Variants in SP100 observed in about 807,000 individuals in gnomAD.
SP100 encodes the protein SP100 nuclear body protein.
In SP100, 84 loss-of-function variants were observed where a neutral mutation model predicts 130.0. The ratio of observed to expected loss-of-function variants is 0.65; its 90% CI spans 0.54 to 0.77. The LOEUF is 0.77. SP100 is among the 30% of genes least tolerant of loss of function. SP100 has a pLI of 0.00. For missense variants in SP100, 978 were observed against 1,052.2 expected (o/e 0.93, Z 0.97); for synonymous variants, 331 against 351.7 (o/e 0.94, Z 0.66).
At chr2:230,448,244 G>T (rs889147702) in intron 5 of SP100, among the ~76,000 whole-genome samples, 18 of 152,182 alleles carry the variant, frequency 1.2e-4, no homozygotes, top group Non-Finnish European at 2.9e-5. Flanking sequence ...GGAAGAGGAT[G>T]TAAGTACCTA....
intron 24 of SP100, chr2:230,516,155 A>G (rs1690906672): frequency 1.3e-6 from 1 of 770,006 alleles, no homozygotes; most frequent in South Asian, 5.9e-5. Context: ...TATTAGCTCC[A>G]CAAAGCCAAT....
chr2:230,474,717 T>C (rs915780870), intron 17 of SP100, among the ~76,000 whole-genome samples: 3 of 152,162 alleles, frequency 2.0e-5, no homozygotes, highest in African/African-American at 7.2e-5. Flanking sequence ...CCAGTGTCTC[T>C]TGTTCTCATC....
At chr2:230,417,480 T>C (rs1399451943) in intron 1 of SP100, 111 bp from the exon 2 acceptor site, 4 of 1,372,126 alleles carry the variant, frequency 2.9e-6, no homozygotes, top group South Asian at 1.6e-5. Context: ...ATATTTCTTT[T>C]TGGGTTTTTA....
chr2:230,474,261 G>A (rs199606083), intron 16 of SP100, 133 bp from the exon 17 acceptor site: 2 of 597,904 alleles, frequency 3.3e-6, no homozygotes, highest in Non-Finnish European at 6.0e-6. Flanking sequence ...TGTTTCCTTT[G>A]GAAGGAAGAC....
intron 19 of SP100, among the ~76,000 whole-genome samples, chr2:230,500,372 C>G (rs1169208047): frequency 2.0e-5 from 3 of 152,132 alleles, no homozygotes; most frequent in African/African-American, 7.2e-5. Context: ...CTCCTCAGCC[C>G]TGATGTCTCC....
intron 24 of SP100, among the ~76,000 whole-genome samples, chr2:230,532,842 G>A (rs923893107): frequency 1.3e-5 from 2 of 151,988 alleles, no homozygotes; most frequent in Admixed American, 6.6e-5. Flanking sequence ...GTGCAGTGTC[G>A]CGATCTTGGC....
Position 230,460,915 on chromosome 2 carries a change from G to T in SP100, c.821-347G>T, listed in dbSNP as rs1221794654. On this transcript the variant is annotated intron_variant, in intron 8 of 28. Transcript: ENST00000340126. ...TGGGATTACAGGCGTGAGCCACCGC[G>T]CCCGGCCGGTAATCTGTTTCTTGAT... Among the ~76,000 whole-genome samples the T allele has an allele frequency of 1.3e-5, 2 of 151,332 alleles. 1 individual carries two copies. The highest frequency in any genetic ancestry group is 2.9e-5 in the Non-Finnish European group (2 of 67,890).
rs746489379 is a variant in SP100, at chr2:230,506,446, G to T, written c.2013+1G>T. The T allele has an allele frequency of 1.2e-6, 2 of 1,613,334 alleles. No individual in the cohort carries two copies. Among genetic ancestry groups the T allele is most frequent in the Admixed American group, 1.7e-5 (1 of 59,966 alleles). On this transcript the variant is annotated splice_donor_variant, in intron 22 of 28. Transcript: ENST00000340126. LOFTEE classifies it high-confidence loss of function. ...ATATACCCTGAAAGTCCTGATGGAGGTATTCTAGTGACAGATGGCTGAAAC... is the reference window on the plus strand; with the variant it reads ...ATATACCCTGAAAGTCCTGATGGAGTTATTCTAGTGACAGATGGCTGAAAC...
chr2:230,439,004 G>A (rs188162950), intron 2 of SP100, among the ~76,000 whole-genome samples: 6 of 152,120 alleles, frequency 3.9e-5, no homozygotes, highest in African/African-American at 9.6e-5. Flanking sequence ...CCACATCCAC[G>A]CCAACATCTA....
At chr2:230,442,036 A>G (rs16827251) in intron 2 of SP100, among the ~76,000 whole-genome samples, 16,465 of 147,228 alleles carry the variant, frequency 0.11, 937 homozygotes, top group Middle Eastern at 0.23. Context: ...ATCTTTAACC[A>G]GAAACTTTTT....
chr2:230,474,351 C>T (rs769499060), intron 16 of SP100, 43 bp from the exon 17 acceptor site: 2 of 1,030,096 alleles, frequency 1.9e-6, no homozygotes, highest in South Asian at 1.4e-5. Flanking sequence ...ATAAATTTTA[C>T]TTATAAATTA....
rs1690558371 is a variant in SP100, at chr2:230,511,154, A to C, written c.2082A>C (p.Leu694Phe). Residue 694 changes from leucine to phenylalanine, a missense_variant, in exon 24 of 29, where the codon TTA (leucine) becomes TTC (phenylalanine). By Grantham distance (22) the Leu-to-Phe change is conservative (BLOSUM62 0). Transcript: ENST00000340126. ...KRILESHNNT[L>F]VDPCPENSNI... The stretch of plus-strand genomic sequence containing the variant: ...TACTGGAATCTCACAACAATACCTT[A>C]GTTGACCCTTGTGTAAGTATAAATT... 6.2e-7 allele frequency: 1 copy of C among 1,609,066 alleles called. No individual in the cohort carries two copies. Among genetic ancestry groups the C allele is most frequent in the African/African-American group, 1.3e-5 (1 of 74,792 alleles).
At chr2:230,536,425 C>G (rs1486530940) in intron 24 of SP100, among the ~76,000 whole-genome samples, 1 of 152,154 alleles carries the variant, frequency 6.6e-6, no homozygotes, top group East Asian at 1.9e-4. Context: ...AATTGACCCT[C>G]TCAGTCTTAA....
intron 13 of SP100, among the ~76,000 whole-genome samples, chr2:230,468,511 A>G (rs1302406010): frequency 6.6e-6 from 1 of 152,156 alleles, no homozygotes; most frequent in Non-Finnish European, 1.5e-5. Context: ...CTGGTTATTA[A>G]AATATCTTTG....
chr2:230,425,123 T>C (rs985784369), intron 2 of SP100, among the ~76,000 whole-genome samples: 2 of 152,028 alleles, frequency 1.3e-5, no homozygotes, highest in East Asian at 3.9e-4. Flanking sequence ...ATATCCATCA[T>C]GTCACATAGT....
rs547789502 is a variant in SP100, at chr2:230,530,075, A to T, written c.2095-9192A>T. Reference sequence around the variant, plus strand: ...GACTTTCTTCACAGAATTGGAAAAAACTACTTTAAAGTTCATATGGAACCA... The same window carrying T: ...GACTTTCTTCACAGAATTGGAAAAATCTACTTTAAAGTTCATATGGAACCA... On this transcript the variant is annotated intron_variant, in intron 24 of 28. Transcript: ENST00000340126. 4.3e-4 allele frequency among the ~76,000 whole-genome samples: 65 copies of T among 152,340 alleles called. No individual in the cohort carries two copies. In the Middle Eastern group the frequency reaches 0.01, roughly 24 times the overall value.
At chr2:230,509,866 C>T (rs979877612) in intron 23 of SP100, 1 of 152,236 alleles carries the variant, frequency 6.6e-6, no homozygotes, top group South Asian at 2.1e-4. Flanking sequence ...TGTTCATGCA[C>T]TTATGTATCC....
intron 17 of SP100, among the ~76,000 whole-genome samples, chr2:230,479,289 C>T (rs1267582384): frequency 6.6e-6 from 1 of 152,186 alleles, no homozygotes; most frequent in African/African-American, 2.4e-5. Context: ...TGGTGTCTTT[C>T]TTTTAACACT....
At chr2:230,455,356 G>C (rs984024760) in intron 8 of SP100, among the ~76,000 whole-genome samples, 21 of 152,150 alleles carry the variant, frequency 1.4e-4, no homozygotes, top group Non-Finnish European at 2.6e-4. Flanking sequence ...AAGCCACCAT[G>C]CCTGGTTTTA....
Sources: gnomAD v4.1 joint callset for allele counts (sites outside exome capture counted in the v4.1 genomes callset) on GRCh38, gnomAD v4.1.1 for gene constraint, MANE v1.5 for transcripts, NCBI Gene and HGNC (gene_info 2026-07-23, HGNC 2026-07-21) for gene names.